The following SMPD3 variants were observed in gnomAD, a reference collection of about 807,000 sequenced individuals.
SMPD3 encodes nSMase-2.
Under a neutral mutation model 55.7 loss-of-function variants are expected in SMPD3, and 21 were observed. The ratio of observed to expected loss-of-function variants is 0.38; its 90% CI spans 0.27 to 0.54. The LOEUF (loss-of-function observed/expected upper bound fraction) is 0.54, where lower values mean the gene tolerates loss of function less well. SMPD3 is among the 20% of genes least tolerant of loss of function. The probability of loss-of-function intolerance (pLI) is 0.80; values close to 1 mark genes in which losing one functional copy is unlikely to be tolerated. For synonymous variants in SMPD3, 457 were observed against 404.3 expected (o/e 1.13, Z -1.56); for missense variants, 842 against 899.6 (o/e 0.94, Z 0.82).
intron 8 of SMPD3, 71 bp downstream of exon 8, chr16:68,361,532 G>A: frequency 6.3e-7 from 1 of 1,575,090 alleles, no homozygotes; most frequent in Non-Finnish European, 8.6e-7. Flanking sequence ...GGGAGCGGCT[G>A]TCGAGAGCTG....
intron 1 of SMPD3, among the ~76,000 whole-genome samples, chr16:68,446,295 A>G (rs956288718): frequency 7.2e-5 from 11 of 152,160 alleles, no homozygotes; most frequent in Non-Finnish European, 1.3e-4. Flanking sequence ...ATAGTTGTGA[A>G]TTCCCCACTT....
In SMPD3 at chr16:68,371,651, G is replaced by A. The variant is rs2089673592; in HGVS notation, c.531C>T (p.Thr177=). 1 of 1,565,682 alleles carries A rather than the reference G, an allele frequency of 6.4e-7. No homozygotes were observed. Among genetic ancestry groups the A allele is most frequent in the African/African-American group, 1.4e-5 (1 of 73,176 alleles). ...TGCTGAAGCTAGCGGCGCTGATGGA[G>A]GTATTGGTGGGGGAGTCGATGTAAA... The part of the protein sequence containing the change: ...IKIYIDSPTN[T]SISAASFSSL... The change falls in exon 3 of 9, where the codon ACC becomes ACT. Residue 177 remains threonine (T), a synonymous_variant. Coordinates refer to ENST00000219334, the MANE Select transcript of SMPD3 (RefSeq NM_018667.4).
At chr16:68,396,230 C>A (rs929044591) in intron 1 of SMPD3, among the ~76,000 whole-genome samples, 7 of 152,204 alleles carry the variant, frequency 4.6e-5, no homozygotes, top group Admixed American at 4.6e-4. Context: ...CTGTGATCCC[C>A]ACCAGCAGCA....
At chr16:68,383,740 A>G (rs1394981714) in intron 2 of SMPD3, among the ~76,000 whole-genome samples, 1 of 151,996 alleles carries the variant, frequency 6.6e-6, no homozygotes, top group African/African-American at 2.4e-5. Flanking sequence ...GACCACATGT[A>G]TTTGATTGAC....
At chr16:68,365,182 T>C in intron 3 of SMPD3, 90 bp from the exon 4 acceptor site, 1 of 1,327,346 alleles carries the variant, frequency 7.5e-7, no homozygotes, top group Non-Finnish European at 1.1e-6. Flanking sequence ...ACCCATGAGG[T>C]CAGACCCTCA....
rs2089686656 is a variant in SMPD3, at chr16:68,372,059, G to C, written c.123C>G (p.Thr41=). The change falls in exon 3 of 9, where the codon ACC becomes ACG. Residue 41 remains threonine, a synonymous_variant. Transcript: ENST00000219334. ...VDRLAASFIP[T]TYEKRQRADD... ...CTGCCCGCTGGCGCTTCTCGTAGGT[G>C]GTGGGTATGAAGGAGGCAGCGAGCC... The C allele has an allele frequency of 6.2e-7, 1 of 1,608,780 alleles. No homozygotes were observed. Among genetic ancestry groups the C allele is most frequent in the Non-Finnish European group, 8.5e-7 (1 of 1,178,258 alleles).
intron 1 of SMPD3, among the ~76,000 whole-genome samples, chr16:68,438,353 A>G (rs1483915499): frequency 6.6e-6 from 1 of 152,206 alleles, no homozygotes; most frequent in Non-Finnish European, 1.5e-5. Flanking sequence ...ATTTATTTGA[A>G]AACCAAATAG....
At chr16:68,388,016 A>G (rs1052064388) in intron 1 of SMPD3, among the ~76,000 whole-genome samples, 1 of 152,168 alleles carries the variant, frequency 6.6e-6, no homozygotes, top group Non-Finnish European at 1.5e-5. Flanking sequence ...TGGGCAAGTC[A>G]TTTAACTTCT....
intron 2 of SMPD3, among the ~76,000 whole-genome samples, chr16:68,378,371 G>A (rs960128825): frequency 1.3e-5 from 2 of 152,184 alleles, no homozygotes; most frequent in African/African-American, 4.8e-5. Flanking sequence ...GCCTTTCTGA[G>A]TGATGCAGGT....
At chr16:68,388,164 C>T (rs958442017) in intron 1 of SMPD3, among the ~76,000 whole-genome samples, 1 of 152,206 alleles carries the variant, frequency 6.6e-6, no homozygotes, top group Non-Finnish European at 1.5e-5. Flanking sequence ...CCCCCCAGGT[C>T]TATGCTCTGC....
chr16:68,376,731 G>A (rs2089825478), intron 2 of SMPD3, among the ~76,000 whole-genome samples: 1 of 152,194 alleles, frequency 6.6e-6, no homozygotes, highest in South Asian at 2.1e-4. Context: ...TGGGGTCAGT[G>A]TGGGAGGCCA....
chr16:68,413,819 A>G (rs544885331), intron 1 of SMPD3, among the ~76,000 whole-genome samples: 12 of 152,354 alleles, frequency 7.9e-5, no homozygotes, highest in African/African-American at 2.9e-4. Context: ...GTCCTGGATC[A>G]GAATCCCTGA....
chr16:68,418,604 C>T (rs2090358740), intron 1 of SMPD3, among the ~76,000 whole-genome samples: 1 of 152,176 alleles, frequency 6.6e-6, no homozygotes, highest in Admixed American at 6.5e-5. Context: ...ATCACATCCC[C>T]CTGCAGGCAG....
chr16:68,400,969 G>A (rs773240758), intron 1 of SMPD3, among the ~76,000 whole-genome samples: 2 of 152,240 alleles, frequency 1.3e-5, no homozygotes, highest in Non-Finnish European at 2.9e-5. Flanking sequence ...GATTGGATCT[G>A]CTAGTTTTGC....
chr16:68,423,799 G>A (rs1443427662), intron 1 of SMPD3, among the ~76,000 whole-genome samples: 1 of 152,078 alleles, frequency 6.6e-6, no homozygotes, highest in South Asian at 2.1e-4. Context: ...CAGACCCCGT[G>A]GGGCACTCTG....
chr16:68,434,576 A>C (rs543533545), intron 1 of SMPD3, among the ~76,000 whole-genome samples: 50 of 152,352 alleles, frequency 3.3e-4, no homozygotes, highest in African/African-American at 1.2e-3. Flanking sequence ...TTGTCTTCTT[A>C]CAAGGGAATG....
intron 1 of SMPD3, among the ~76,000 whole-genome samples, chr16:68,416,390 C>T (rs1325464101): frequency 6.6e-6 from 1 of 152,222 alleles, no homozygotes; most frequent in East Asian, 1.9e-4. Context: ...GCTTCTACTT[C>T]CCGTCCCACT....
intron 1 of SMPD3, among the ~76,000 whole-genome samples, chr16:68,440,390 G>A (rs890642490): frequency 7.9e-5 from 12 of 152,076 alleles, no homozygotes; most frequent in Non-Finnish European, 1.6e-4. Flanking sequence ...TAGTAGAGAT[G>A]GGGTTTCACC....
At chr16:68,370,048 C>T (rs2089606755) in intron 3 of SMPD3, 1 of 152,244 alleles carries the variant, frequency 6.6e-6, no homozygotes, top group African/African-American at 2.4e-5. Context: ...GTGCTGCATC[C>T]ACTGGCCAAA....
Sources: allele counts gnomAD v4.1 joint callset (sites outside exome capture counted in the v4.1 genomes callset), GRCh38; gene constraint gnomAD v4.1.1; transcripts MANE v1.5; gene names NCBI Gene and HGNC (gene_info 2026-07-23, HGNC 2026-07-21).